RBFOX1: variants seen among roughly 807,000 people sequenced by gnomAD.
The protein encoded by RBFOX1 is RNA binding fox-1 homolog 1.
RBFOX1 carries 8 observed loss-of-function variants against 57.7 expected under a neutral mutation model. That is an observed-to-expected ratio of 0.14 (90% CI 0.08 to 0.25). The LOEUF (loss-of-function observed/expected upper bound fraction) is 0.25. Among genes scored for constraint, RBFOX1 ranks in the 10% least tolerant of loss-of-function variants. RBFOX1 has a pLI of 1.00. For missense variants in RBFOX1, 611 were observed against 548.5 expected (o/e 1.11, Z -1.14); for synonymous variants, 326 against 222.4 (o/e 1.47, Z -4.15).
chr16:5,467,612 C>T lies in RBFOX1; in HGVS notation c.258+358C>T, dbSNP rs1258492191. On this transcript the variant is annotated intron_variant, in intron 2 of 2. Coordinates refer to the RBFOX1 transcript ENST00000585867. The stretch of plus-strand genomic sequence containing the variant: ...GTGAAGCCCACATCCTTGCATTATG[C>T]CACAATTTTATTAGCACTGGAGGTA... Among the ~76,000 whole-genome samples the T allele has an allele frequency of 2.6e-5, 4 of 152,258 alleles. No homozygotes were observed. The East Asian group carries it at 7.7e-4, about 29-fold the overall frequency.
intron 1 of RBFOX1, among the ~76,000 whole-genome samples, chr16:6,074,366 T>C (rs144692173): frequency 2.2e-4 from 33 of 152,298 alleles, no homozygotes; most frequent in African/African-American, 7.2e-4. Flanking sequence ...CACCCCCTTA[T>C]AGCTCTGCAG....
At chr16:6,592,801 C>T (rs1376561390) in intron 2 of RBFOX1, among the ~76,000 whole-genome samples, 2 of 152,160 alleles carry the variant, frequency 1.3e-5, no homozygotes, top group Non-Finnish European at 2.9e-5. Context: ...GTTCCCTGGA[C>T]ATTAAAATAC....
At chr16:6,895,606 A>G (rs946742415) in intron 3 of RBFOX1, among the ~76,000 whole-genome samples, 1 of 151,458 alleles carries the variant, frequency 6.6e-6, no homozygotes, top group Admixed American at 6.6e-5. Flanking sequence ...GAGGAAGTGG[A>G]GGAGAAGAAA....
chr16:7,277,177 T>C (rs2095456758), intron 4 of RBFOX1, among the ~76,000 whole-genome samples: 2 of 152,202 alleles, frequency 1.3e-5, no homozygotes, highest in South Asian at 4.1e-4. Flanking sequence ...GAAATGCAAT[T>C]AACCGACTTT....
chr16:5,294,787 T>C (rs1210038098), intron 1 of RBFOX1, among the ~76,000 whole-genome samples: 1 of 151,898 alleles, frequency 6.6e-6, no homozygotes, highest in Non-Finnish European at 1.5e-5. Flanking sequence ...TCCCAGCACT[T>C]TGGGAGGCCG....
chr16:5,815,062 C>T (rs1169347029), intron 3 of RBFOX1, among the ~76,000 whole-genome samples: 2 of 151,902 alleles, frequency 1.3e-5, no homozygotes, highest in African/African-American at 4.8e-5. Context: ...TAGCTCACCG[C>T]AGCCCCAACC....
intron 4 of RBFOX1, among the ~76,000 whole-genome samples, chr16:7,492,411 A>G (rs2067228000): frequency 6.6e-6 from 1 of 151,984 alleles, no homozygotes; most frequent in East Asian, 1.9e-4. Flanking sequence ...CTTCCCTATA[A>G]TCATTCTTTA....
intron 2 of RBFOX1, among the ~76,000 whole-genome samples, chr16:6,436,415 G>C (rs1292479517): frequency 1.3e-5 from 2 of 151,536 alleles, no homozygotes; most frequent in Non-Finnish European, 1.5e-5. Flanking sequence ...CAGAAAACAG[G>C]TATTTAATTC....
At chr16:6,497,386 A>G (rs551156630) in intron 2 of RBFOX1, among the ~76,000 whole-genome samples, 3 of 152,160 alleles carry the variant, frequency 2.0e-5, no homozygotes, top group Admixed American at 1.3e-4. Context: ...AAAGTTCTTC[A>G]TTTCTCAGCT....
chr16:7,508,305 G>C (rs1482504417), intron 4 of RBFOX1, among the ~76,000 whole-genome samples: 1 of 152,146 alleles, frequency 6.6e-6, no homozygotes, highest in East Asian at 1.9e-4. Context: ...TTGTTTTTGA[G>C]TATTTTCTGC....
At chr16:6,256,223 A>ATATATG (rs1555582445) in intron 1 of RBFOX1, among the ~76,000 whole-genome samples, 1,732 of 108,864 alleles carry the variant, frequency 0.016, 38 homozygotes, top group Non-Finnish European at 0.025. Context: ...ATATATATGT[A>ATATATG]TATATATATG....
intron 1 of RBFOX1, among the ~76,000 whole-genome samples, chr16:5,352,714 G>A (rs1028433055): frequency 6.6e-6 from 1 of 152,170 alleles, no homozygotes; most frequent in Non-Finnish European, 1.5e-5. Flanking sequence ...AGGCCAAGGT[G>A]GGGGGATTGC....
chr16:6,875,044 G>A (rs1037613805), intron 3 of RBFOX1, among the ~76,000 whole-genome samples: 2 of 152,310 alleles, frequency 1.3e-5, no homozygotes, highest in Admixed American at 6.5e-5. Flanking sequence ...GTGGGAGCAA[G>A]TGTGGTCAAG....
At chr16:7,620,102 A>T (rs1185611958) in intron 10 of RBFOX1, among the ~76,000 whole-genome samples, 1 of 152,230 alleles carries the variant, frequency 6.6e-6, no homozygotes, top group African/African-American at 2.4e-5. Flanking sequence ...AATAGCTATA[A>T]ATTTGCTATT....
intron 1 of RBFOX1, among the ~76,000 whole-genome samples, chr16:6,108,669 T>G (rs1355886580): frequency 6.6e-6 from 1 of 152,136 alleles, no homozygotes; most frequent in Non-Finnish European, 1.5e-5. Context: ...AACTCTGAAG[T>G]CACATAGAGG....
chr16:7,328,477 CAAAAAAAAAAAAAA>C (rs58553232), intron 4 of RBFOX1, among the ~76,000 whole-genome samples: 1 of 60,748 alleles, frequency 1.6e-5, no homozygotes, highest in South Asian at 7.7e-4. Flanking sequence ...GACTCTGTCT[CAAAAAAAAAAAAAA>C]AAAAAAAAAG....
intron 11 of RBFOX1, among the ~76,000 whole-genome samples, chr16:7,650,128 T>G (rs548777802): frequency 6.6e-6 from 1 of 151,026 alleles, no homozygotes; most frequent in African/African-American, 2.4e-5. Flanking sequence ...AAGGAAGGAA[T>G]GTAAGAAAGA....
At chr16:7,121,680 G>C (rs528975504) in intron 4 of RBFOX1, among the ~76,000 whole-genome samples, 1 of 151,970 alleles carries the variant, frequency 6.6e-6, no homozygotes, top group African/African-American at 2.4e-5. Context: ...AGGTATTTTT[G>C]TAGCTATAAA....
chr16:5,918,854 T>C (rs1430598076), intron 4 of RBFOX1, among the ~76,000 whole-genome samples: 4 of 152,176 alleles, frequency 2.6e-5, no homozygotes, highest in Non-Finnish European at 5.9e-5. Context: ...AACACTTGAC[T>C]TTTCCTGGGA....
Sources: gnomAD v4.1 joint callset for allele counts (sites outside exome capture counted in the v4.1 genomes callset) on GRCh38, gnomAD v4.1.1 for gene constraint, MANE v1.5 for transcripts, NCBI Gene and HGNC (gene_info 2026-07-23, HGNC 2026-07-21) for gene names.